The following STC1 variants were observed in gnomAD, a reference collection of about 807,000 sequenced individuals.
The protein encoded by STC1 is stanniocalcin-1.
Under a neutral mutation model 22.6 loss-of-function variants are expected in STC1, and 7 were observed. The observed-to-expected ratio is 0.31, with a 90% CI of 0.18 to 0.58. STC1 has a LOEUF of 0.58. STC1 is among the 20% of genes least tolerant of loss of function. The pLI is 0.89. For missense variants in STC1, 224 were observed against 311.0 expected (o/e 0.72, Z 2.10); for synonymous variants, 113 against 120.7 (o/e 0.94, Z 0.42).
At chr8:23,845,071 T>C in intron 3 of STC1, 31 bp from the exon 4 acceptor site, 1 of 1,608,700 alleles carries the variant, frequency 6.2e-7, no homozygotes, top group Non-Finnish European at 8.5e-7. Flanking sequence ...CATATGGTGG[T>C]CACCCAGTGA....
Position 23,843,379 on chromosome 8 carries a change from G to C in STC1, c.*1391C>G, listed in dbSNP as rs973553465. On this transcript the variant is annotated 3_prime_UTR_variant, in exon 4 of 4. Coordinates refer to ENST00000290271, the MANE Select transcript of STC1 (RefSeq NM_003155.3). ...TGCCAGGACTACTTTGGCAGGCAGC[G>C]TGCTACAGGACGAAAATGTAAGAGA... 1.3e-5 allele frequency: 2 copies of C among 152,058 alleles called. No homozygotes were observed. Among genetic ancestry groups the C allele is most frequent in the Non-Finnish European group, 2.9e-5 (2 of 67,978 alleles). 9.4% of individuals were successfully genotyped at this position (152,058 alleles called of 1,614,324 possible). A position where few individuals can be genotyped will look rare whatever the true frequency, so the allele number is the denominator to read the frequency against.
At chr8:23,854,187 C>G in intron 1 of STC1, 1 of 1,206,006 alleles carries the variant, frequency 8.3e-7, no homozygotes, top group Non-Finnish European at 1.1e-6. Context: ...AATGAAATAC[C>G]CTCAGCAGAG....
chr8:23,851,306 G>C lies in STC1; in HGVS notation c.473+14C>G, dbSNP rs754621481. 3.1e-6 allele frequency: 5 copies of C among 1,613,864 alleles called. No homozygotes were observed. Among genetic ancestry groups the C allele is most frequent in the Non-Finnish European group, 4.2e-6 (5 of 1,179,846 alleles). On this transcript the variant is annotated intron_variant, in intron 3 of 3. Coordinates refer to ENST00000290271, the MANE Select transcript of STC1 (RefSeq NM_003155.3). ...CCAGTCCCCTGATTGTGAAAAAGTAGACTCAGTTTGTACCTGTTGGAGAAG... is the reference window on the plus strand; with the variant it reads ...CCAGTCCCCTGATTGTGAAAAAGTACACTCAGTTTGTACCTGTTGGAGAAG...
intron 3 of STC1, among the ~76,000 whole-genome samples, chr8:23,850,961 G>A (rs1011295075): frequency 2.8e-5 from 4 of 141,772 alleles, no homozygotes; most frequent in South Asian, 4.4e-4. Flanking sequence ...GTTGTTGCAC[G>A]GTCATGGTTT....
chr8:23,847,749 G>A (rs1802589372), intron 3 of STC1, among the ~76,000 whole-genome samples: 2 of 152,188 alleles, frequency 1.3e-5, no homozygotes, highest in South Asian at 4.1e-4. Context: ...AGTTGACTTA[G>A]CAATCGTCAC....
At position 23,843,942 on chromosome 8, in the gene STC1, C is replaced by T. The variant is rs913999428; in HGVS notation, c.*828G>A. On this transcript the variant is annotated 3_prime_UTR_variant, in exon 4 of 4. Transcript: ENST00000290271. ...AGAAAAATAAAGCTAAGTTACAAAACTAAATCTATATGCAATAAAGTTATT... is the reference window on the plus strand; with the variant it reads ...AGAAAAATAAAGCTAAGTTACAAAATTAAATCTATATGCAATAAAGTTATT... The T allele has an allele frequency of 6.6e-6, 1 of 152,596 alleles. No homozygotes were observed. Among genetic ancestry groups the T allele is most frequent in the Non-Finnish European group, 1.5e-5 (1 of 68,028 alleles). 9.5% of individuals were successfully genotyped at this position (152,596 alleles called of 1,614,324 possible).
chr8:23,854,178 A>G lies in STC1; in HGVS notation c.118+228T>C, dbSNP rs192840845. 3.3e-3 allele frequency: 4,098 copies of G among 1,246,670 alleles called. 16 individuals carry two copies. The highest frequency in any genetic ancestry group is 4.1e-3 in the Non-Finnish European group (3,855 of 942,670). 77.2% of individuals were successfully genotyped at this position (1,246,670 alleles called of 1,614,324 possible). ...CAGGCAATCAGGCTAGGCTTATGCA[A>G]TGAAATACCCTCAGCAGAGCGTCCA... On this transcript the variant is annotated intron_variant, in intron 1 of 3. Coordinates refer to ENST00000290271, the MANE Select transcript of STC1 (RefSeq NM_003155.3).
intron 3 of STC1, among the ~76,000 whole-genome samples, chr8:23,849,737 T>C (rs1322744116): frequency 6.6e-6 from 1 of 152,146 alleles, no homozygotes; most frequent in Non-Finnish European, 1.5e-5. Flanking sequence ...AGGATCTAAA[T>C]TGTAATAGTG....
At chr8:23,846,704 C>G (rs1162236865) in intron 3 of STC1, among the ~76,000 whole-genome samples, 1 of 152,162 alleles carries the variant, frequency 6.6e-6, no homozygotes, top group Non-Finnish European at 1.5e-5. Flanking sequence ...TGACACAGGC[C>G]TGGTGAAACC....
intron 2 of STC1, among the ~76,000 whole-genome samples, 174 bp from the exon 3 acceptor site, chr8:23,851,705 C>A (rs768828742): frequency 1.5e-4 from 22 of 151,156 alleles, no homozygotes; most frequent in Non-Finnish European, 2.8e-4. Context: ...AAAAAAAGCC[C>A]TCTCCCCATC....
chr8:23,849,670 C>T (rs545058977), intron 3 of STC1, among the ~76,000 whole-genome samples: 18 of 152,202 alleles, frequency 1.2e-4, no homozygotes, highest in Admixed American at 5.2e-4. Flanking sequence ...AGATTAGTAT[C>T]GCCTCAAAAT....
At chr8:23,845,509 A>T (rs1258796975) in intron 3 of STC1, among the ~76,000 whole-genome samples, 1 of 151,950 alleles carries the variant, frequency 6.6e-6, no homozygotes, top group African/African-American at 2.4e-5. Flanking sequence ...AATTATTTTG[A>T]TGCTTTTTTG....
chr8:23,846,999 A>G (rs1224710972), intron 3 of STC1, among the ~76,000 whole-genome samples: 2 of 152,162 alleles, frequency 1.3e-5, no homozygotes, highest in African/African-American at 4.8e-5. Flanking sequence ...TCAGAGGGTG[A>G]TTAGATCCTG....
intron 3 of STC1, among the ~76,000 whole-genome samples, chr8:23,846,342 C>G (rs1190640772): frequency 1.3e-5 from 2 of 152,066 alleles, no homozygotes; most frequent in African/African-American, 4.8e-5. Flanking sequence ...TGCATTTGGT[C>G]CATTTTGTAG....
chr8:23,854,590 C>G lies in STC1; in HGVS notation c.-67G>C. The stretch of plus-strand genomic sequence containing the variant: ...TCCTGCCCCCCTTTCCTCTTTCCCT[C>G]TCCTGGCTTGAGTGAAGATGTGGAT... On this transcript the variant is annotated 5_prime_UTR_variant, in exon 1 of 4. Transcript: ENST00000290271. 2 of 1,314,490 alleles carry G rather than the reference C, an allele frequency of 1.5e-6. No individual in the cohort carries two copies. The highest frequency in any genetic ancestry group is 1.5e-5 in the African/African-American group (1 of 68,686). 81.4% of individuals were successfully genotyped at this position (1,314,490 alleles called of 1,614,324 possible).
intron 1 of STC1, among the ~76,000 whole-genome samples, chr8:23,853,782 G>T (rs1802666052): frequency 6.6e-6 from 1 of 151,970 alleles, no homozygotes; most frequent in African/African-American, 2.4e-5. Flanking sequence ...TTTTTCTAGG[G>T]GCTCTCTGGC....
chr8:23,853,896 G>A (rs554409416), intron 1 of STC1: 3 of 473,692 alleles, frequency 6.3e-6, no homozygotes, highest in East Asian at 3.0e-4. Context: ...ATCCGCCCTG[G>A]ATTTGTCAGA....
At chr8:23,850,095 C>T (rs140647248) in intron 3 of STC1, among the ~76,000 whole-genome samples, 17 of 152,306 alleles carry the variant, frequency 1.1e-4, no homozygotes, top group African/African-American at 2.4e-4. Context: ...AGGGCACTCA[C>T]CTGTAGTTAA....
Position 23,844,231 on chromosome 8 carries a change from T to G in STC1, c.*539A>C. The G allele has an allele frequency of 6.5e-6, 1 of 154,440 alleles. No homozygotes were observed. Among genetic ancestry groups the G allele is most frequent in the South Asian group, 2.0e-4 (1 of 4,932 alleles). The allele number at this position is 154,440 out of a possible 1,614,324, so 9.6% of individuals were successfully genotyped here. A position where few individuals can be genotyped will look rare whatever the true frequency, so the allele number is the denominator to read the frequency against. On this transcript the variant is annotated 3_prime_UTR_variant, in exon 4 of 4. Transcript: ENST00000290271. ...AATGTGTCGGAAAGAAAATTAGACATTGGAGGATCAAGACCATAAGACACT... is the reference window on the plus strand; with the variant it reads ...AATGTGTCGGAAAGAAAATTAGACAGTGGAGGATCAAGACCATAAGACACT...
Sources: allele counts gnomAD v4.1 joint callset (sites outside exome capture counted in the v4.1 genomes callset), GRCh38; gene constraint gnomAD v4.1.1; transcripts MANE v1.5; gene names NCBI Gene and HGNC (gene_info 2026-07-23, HGNC 2026-07-21).